FMNL2: variants seen among roughly 807,000 people sequenced by gnomAD.
FMNL2 encodes the protein formin like 2.
FMNL2 carries 51 observed loss-of-function variants against 130.2 expected under a neutral mutation model. The ratio of observed to expected loss-of-function variants is 0.39; its 90% CI spans 0.31 to 0.49. FMNL2 has a LOEUF of 0.49. Ranked by LOEUF, FMNL2 falls within the 20% of genes least tolerant of loss-of-function variation. The probability of loss-of-function intolerance (pLI) is 0.85; values close to 1 mark genes in which losing one functional copy is unlikely to be tolerated. For synonymous variants in FMNL2, 465 were observed against 467.1 expected, an observed-to-expected ratio of 1.00 and a Z score of 0.06; for missense variants, 977 against 1,316.2, an observed-to-expected ratio of 0.74 and a Z score of 3.99.
At chr2:152,492,487 C>T (rs1691268823) in intron 1 of FMNL2, among the ~76,000 whole-genome samples, 1 of 152,162 alleles carries the variant, frequency 6.6e-6, no homozygotes, top group African/African-American at 2.4e-5. Flanking sequence ...ACAGTTTTGG[C>T]TTTTCTCAAC....
At chr2:152,355,650 CTCTT>C (rs1682739934) in intron 1 of FMNL2, among the ~76,000 whole-genome samples, 1 of 152,228 alleles carries the variant, frequency 6.6e-6, no homozygotes, top group South Asian at 2.1e-4. Context: ...CTTTTCATCT[CTCTT>C]TTGTACAGGC....
At chr2:152,572,865 C>T (rs1485872680) in intron 6 of FMNL2, among the ~76,000 whole-genome samples, 1 of 150,692 alleles carries the variant, frequency 6.6e-6, no homozygotes, top group Admixed American at 6.6e-5. Context: ...TATACAGTTA[C>T]AAAAATTGTC....
At chr2:152,527,666 A>T (rs1270260430) in intron 2 of FMNL2, among the ~76,000 whole-genome samples, 1 of 151,820 alleles carries the variant, frequency 6.6e-6, no homozygotes, top group Non-Finnish European at 1.5e-5. Flanking sequence ...ATCACTACGA[A>T]CTCATGAATT....
chr2:152,522,175 T>C, intron 2 of FMNL2, 149 bp downstream of exon 2: 1 of 669,812 alleles, frequency 1.5e-6, no homozygotes, highest in Non-Finnish European at 2.5e-6. Context: ...TTCAGAGAAA[T>C]AACAATATGT....
At chr2:152,426,858 C>T (rs1299471548) in intron 1 of FMNL2, among the ~76,000 whole-genome samples, 1 of 152,166 alleles carries the variant, frequency 6.6e-6, no homozygotes, top group Non-Finnish European at 1.5e-5. Flanking sequence ...GCAGTGGTCT[C>T]TAAGAAGCCT....
At chr2:152,639,558 C>A (rs1405490702) in intron 23 of FMNL2, among the ~76,000 whole-genome samples, 1 of 152,182 alleles carries the variant, frequency 6.6e-6, no homozygotes, top group African/African-American at 2.4e-5. Flanking sequence ...TTTCCCCTAA[C>A]AATAGGCAGA....
intron 2 of FMNL2, 28 bp downstream of exon 2, chr2:152,522,054 G>T: frequency 6.4e-7 from 1 of 1,562,854 alleles, no homozygotes; most frequent in South Asian, 1.2e-5. Context: ...TTTCTTTTAT[G>T]AAAAAAGTAA....
chr2:152,527,316 T>C (rs1693443228), intron 2 of FMNL2, among the ~76,000 whole-genome samples: 1 of 152,226 alleles, frequency 6.6e-6, no homozygotes, highest in African/African-American at 2.4e-5. Context: ...GTAACTGTTT[T>C]CCCCTTGTGC....
rs777343303 is a variant in FMNL2, at chr2:152,647,874, GTT to G, written c.3249_3250del (p.Ser1084CysfsTer2). ...CGGCGCTTTGATGATCAGAACTTGC[GTT>G]CTGTTAATGGTGCCGAAATAACAAT... On this transcript the variant is annotated frameshift_variant, in exon 26 of 26. Transcript: ENST00000288670. LOFTEE classifies it high-confidence loss of function. 30 of 1,613,734 alleles carry G rather than the reference GTT, an allele frequency of 1.9e-5. No individual in the cohort carries two copies. The highest frequency in any genetic ancestry group is 2.5e-5 in the Non-Finnish European group (29 of 1,179,822).
intron 4 of FMNL2, among the ~76,000 whole-genome samples, chr2:152,554,173 A>G (rs1305174659): frequency 7.2e-5 from 11 of 152,198 alleles, no homozygotes; most frequent in Admixed American, 7.2e-4. Context: ...TGGAAGGCCA[A>G]GGTGGGCAGG....
chr2:152,558,729 T>G lies in FMNL2; in HGVS notation c.360-11T>G. 6.3e-7 allele frequency: 1 copy of G among 1,596,314 alleles called. No homozygotes were observed. Among genetic ancestry groups the G allele is most frequent in the Non-Finnish European group, 8.5e-7 (1 of 1,174,000 alleles). On this transcript the variant is annotated splice_polypyrimidine_tract_variant and intron_variant, in intron 4 of 25. Transcript: ENST00000288670. Reference sequence around the variant, plus strand: ...TTTCTCCAATGATTTTTTTTTTTTTTTCCCCAACAGATGGGTCAGAGAATT... The same window carrying G: ...TTTCTCCAATGATTTTTTTTTTTTTGTCCCCAACAGATGGGTCAGAGAATT...
At chr2:152,598,568 A>G (rs1277284124) in intron 9 of FMNL2, among the ~76,000 whole-genome samples, 2 of 152,168 alleles carry the variant, frequency 1.3e-5, no homozygotes, top group Non-Finnish European at 2.9e-5. Context: ...ATGTGCCTTT[A>G]ATCCCAGCTA....
chr2:152,590,004 TATATACATATAC>T (rs1697333624), intron 9 of FMNL2, among the ~76,000 whole-genome samples: 1 of 140,428 alleles, frequency 7.1e-6, no homozygotes, highest in Non-Finnish European at 1.5e-5. Flanking sequence ...TATGTATATA[TATATACATATAC>T]ATATATATAT....
chr2:152,338,896 G>A (rs1392950016), intron 1 of FMNL2, among the ~76,000 whole-genome samples: 1 of 150,654 alleles, frequency 6.6e-6, no homozygotes, highest in African/African-American at 2.4e-5. Context: ...CAATGTTTCT[G>A]TTATACTCTA....
chr2:152,534,471 C>T (rs1412568045), intron 2 of FMNL2, among the ~76,000 whole-genome samples: 2 of 151,702 alleles, frequency 1.3e-5, no homozygotes, highest in Non-Finnish European at 2.9e-5. Flanking sequence ...AAAATCGGAG[C>T]TTGTAATTTA....
rs202104737 is a variant in FMNL2 at position 152,342,597 on chromosome 2, TC to T, written c.117+6880del. Among the ~76,000 whole-genome samples, 6 of 152,240 alleles carry T rather than the reference TC, an allele frequency of 3.9e-5. No individual in the cohort carries two copies. The East Asian group carries it at 1.2e-3, about 29-fold the overall frequency. ...GACAGAGATAGCTCATTGCTTGTCT[TC>T]CCTTTAGAATTCCATCTGTTCATAC... On this transcript the variant is annotated intron_variant, in intron 1 of 25. Transcript: ENST00000288670.
In FMNL2 at chr2:152,648,014, T is replaced by G. The variant is rs192688512; in HGVS notation, c.*109T>G. ...CCTTGAACACACACAAAAATATTCT[T>G]AAGGGCTCAGATTTAGCAAACACGG... On this transcript the variant is annotated 3_prime_UTR_variant, in exon 26 of 26. Coordinates refer to ENST00000288670, the MANE Select transcript of FMNL2 (RefSeq NM_052905.4). The G allele has an allele frequency of 1.5e-5, 14 of 951,886 alleles. No individual in the cohort carries two copies. The Admixed American group carries it at 3.6e-4, about 24-fold the overall frequency. 59.0% of individuals were successfully genotyped at this position (951,886 alleles called of 1,614,324 possible). A position where few individuals can be genotyped will look rare whatever the true frequency, so the allele number is the denominator to read the frequency against.
rs1170591966 is a variant in FMNL2, at chr2:152,390,366, G to T, written c.117+54646G>T. On this transcript the variant is annotated intron_variant, in intron 1 of 25. Coordinates refer to ENST00000288670, the MANE Select transcript of FMNL2 (RefSeq NM_052905.4). Reference sequence around the variant, plus strand: ...CATTGAGGATGGCAAGGTGGTGACTGTGCATCTTGAGAAGATCAATAAGAT... The same window carrying T: ...CATTGAGGATGGCAAGGTGGTGACTTTGCATCTTGAGAAGATCAATAAGAT... 5 of 1,095,514 alleles carry T rather than the reference G, an allele frequency of 4.6e-6. No individual in the cohort carries two copies. The East Asian group carries it at 1.2e-4, about 26-fold the overall frequency. The allele number at this position is 1,095,514 out of a possible 1,614,324, so 67.9% of individuals were successfully genotyped here.
intron 1 of FMNL2, among the ~76,000 whole-genome samples, chr2:152,471,454 T>G (rs1689853914): frequency 6.8e-6 from 1 of 146,812 alleles, no homozygotes; most frequent in African/African-American, 2.6e-5. Context: ...AGAAAGCTCT[T>G]TTAGTTTCCT....
Sources: gnomAD v4.1 joint callset for allele counts (sites outside exome capture counted in the v4.1 genomes callset) on GRCh38, gnomAD v4.1.1 for gene constraint, MANE v1.5 for transcripts, NCBI Gene and HGNC (gene_info 2026-07-23, HGNC 2026-07-21) for gene names.